FCN3: variants seen among roughly 807,000 people sequenced by gnomAD.
FCN3 encodes ficolin 3, also known as ficolin-3.
FCN3 carries 28 observed loss-of-function variants against 31.5 expected under a neutral mutation model. The observed-to-expected ratio is 0.89, with a 90% CI of 0.66 to 1.22. The LOEUF (loss-of-function observed/expected upper bound fraction) is 1.22, where lower values mean the gene tolerates loss of function less well. Ranked by LOEUF, FCN3 falls within the 50% of genes most tolerant of loss-of-function variation. The pLI, the probability that FCN3 is intolerant of heterozygous loss-of-function variation, is 0.00. For synonymous variants in FCN3, 124 were observed against 147.4 expected, an observed-to-expected ratio of 0.84 and a Z score of 1.15; for missense variants, 351 against 386.8, an observed-to-expected ratio of 0.91 and a Z score of 0.78.
At chr1:27,373,816 G>A (rs2016196776) in intron 3 of FCN3, 149 bp downstream of exon 3, 3 of 756,860 alleles carry the variant, frequency 4.0e-6, no homozygotes, top group Middle Eastern at 3.7e-4. Context: ...GGGTAGCCAG[G>A]CCCTTCTCCT....
At position 27,370,959 on chromosome 1, in the gene FCN3, C is replaced by A. The variant is rs757913198; in HGVS notation, c.407G>T (p.Arg136Leu). Residue 136 changes from arginine (R) to leucine (L), a missense_variant, in exon 6 of 8, where the codon CGC becomes CTC. Coordinates refer to ENST00000270879, the MANE Select transcript of FCN3 (RefSeq NM_003665.4). The stretch of plus-strand genomic sequence containing the variant: ...GAAGAAATCCACAGAACCATCCTGG[C>A]GCCTCTGAAACACCTGGGGGAGGGG... ...EGGGWLVFQR[R>L]QDGSVDFFRS... 6.2e-7 allele frequency: 1 copy of A among 1,612,370 alleles called. No individual in the cohort carries two copies. Among genetic ancestry groups the A allele is most frequent in the Non-Finnish European group, 8.5e-7 (1 of 1,179,660 alleles).
rs1479188148 is a variant in FCN3 at position 27,369,288 on chromosome 1, G to A, written c.848C>T (p.Ser283Leu). 9.3e-6 allele frequency: 15 copies of A among 1,614,122 alleles called. No individual in the cohort carries two copies. The highest frequency in any genetic ancestry group is 1.6e-4 in the Middle Eastern group (1 of 6,084). ...AAHKYGIDWA[S>L]GRGVGHPYRR... ...GTAGGGGTGGCCCACACCACGGCCT[G>A]AGGCCCAGTCAATGCCATATTTGTG... is the stretch of plus-strand genomic sequence containing the variant. The change falls in exon 8 of 8, where the codon TCA (serine) becomes TTA (leucine). Residue 283 changes from serine to leucine, a missense_variant. Coordinates refer to ENST00000270879, the MANE Select transcript of FCN3 (RefSeq NM_003665.4).
At chr1:27,373,459 G>C (rs1257366440) in intron 4 of FCN3, 29 bp downstream of exon 4, 1 of 1,613,738 alleles carries the variant, frequency 6.2e-7, no homozygotes, top group Admixed American at 1.7e-5. Context: ...GTGATCCCAA[G>C]TTCCTGGCTC....
intron 2 of FCN3, 72 bp downstream of exon 2, chr1:27,374,284 C>T: frequency 5.2e-6 from 6 of 1,154,282 alleles, no homozygotes; most frequent in Non-Finnish European, 7.8e-6. Context: ...GGCCCCTCAG[C>T]ACAGACAAAA....
rs2016099005 is a variant in FCN3 at position 27,369,405 on chromosome 1, T to C, written c.731A>G (p.Asn244Ser). ...YDADHDSSNS[N>S]CAVIVHGAWW... ...GGCACCGTGGACAATCACTGCACAG[T>C]TGCTGTTGCTTGAATCGTGGTCAGC... The change falls in exon 8 of 8, where the codon AAC (asparagine) becomes AGC (serine). Residue 244 changes from asparagine to serine, a missense_variant. Transcript: ENST00000270879. 2 of 1,614,206 alleles carry C rather than the reference T, an allele frequency of 1.2e-6. No individual in the cohort carries two copies. The highest frequency in any genetic ancestry group is 1.6e-4 in the Middle Eastern group (1 of 6,062).
rs753552705 is a variant in FCN3 at position 27,370,825 on chromosome 1, A to C, written c.523+18T>G. On this transcript the variant is annotated intron_variant, in intron 6 of 7. Transcript: ENST00000270879. ...CAGACAGTAACCCCCAGACTCCAGGACCCTGCTGGGAACTCACCCTGGAGA... is the reference window on the plus strand; with the variant it reads ...CAGACAGTAACCCCCAGACTCCAGGCCCCTGCTGGGAACTCACCCTGGAGA... 3 of 1,613,472 alleles carry C rather than the reference A, an allele frequency of 1.9e-6. No homozygotes were observed. The highest frequency in any genetic ancestry group is 1.7e-6 in the Non-Finnish European group (2 of 1,179,670).
intron 5 of FCN3, 41 bp from the exon 6 acceptor site, chr1:27,371,013 G>C: frequency 1.9e-6 from 3 of 1,599,572 alleles, no homozygotes; most frequent in Non-Finnish European, 2.6e-6. Flanking sequence ...TCCAGGCTGG[G>C]CACTGGCAGC....
intron 3 of FCN3, chr1:27,373,727 C>T: frequency 3.1e-6 from 2 of 651,504 alleles, no homozygotes; most frequent in East Asian, 2.7e-5. Context: ...GTAGGAGGGC[C>T]TTCATAGGGT....
intron 4 of FCN3, 32 bp from the exon 5 acceptor site, chr1:27,373,295 C>T: frequency 1.2e-6 from 2 of 1,613,414 alleles, no homozygotes; most frequent in Non-Finnish European, 1.7e-6. Flanking sequence ...GGGGTGGTGC[C>T]CAGGTTATTC....
At position 27,373,000 on chromosome 1, in the gene FCN3, T is replaced by C. The variant is rs34661034; in HGVS notation, c.393+136A>G. On this transcript the variant is annotated intron_variant, in intron 5 of 7. Transcript: ENST00000270879. ...AGCCCTCATACTTCTTCAGGTCCCA[T>C]TGGGGGCTCACTAAACATTTGTCAG... 5.0e-3 allele frequency: 5,549 copies of C among 1,101,084 alleles called. 20 individuals are homozygous for C. Among genetic ancestry groups the C allele is most frequent in the Middle Eastern group, 7.4e-3 (27 of 3,650 alleles). 68.2% of individuals were successfully genotyped at this position (1,101,084 alleles called of 1,614,324 possible).
chr1:27,369,914 C>A (rs1181108840), intron 7 of FCN3, among the ~76,000 whole-genome samples: 7 of 152,122 alleles, frequency 4.6e-5, no homozygotes, highest in Non-Finnish European at 7.4e-5. Context: ...AAGAAGACTT[C>A]CGTGGTTCCT....
intron 7 of FCN3, 22 bp downstream of exon 7, chr1:27,370,574 T>C (rs1472362301): frequency 1.2e-6 from 2 of 1,608,462 alleles, no homozygotes; most frequent in Non-Finnish European, 1.7e-6. Flanking sequence ...CTCCTTCCTC[T>C]GCTCCCCTTA....
intron 4 of FCN3, 46 bp downstream of exon 4, chr1:27,373,442 A>G: frequency 1.2e-6 from 2 of 1,611,874 alleles, no homozygotes; most frequent in Admixed American, 1.7e-5. Context: ...CCAACACCCA[A>G]CACCATGTGA....
chr1:27,372,540 G>A lies in FCN3; in HGVS notation c.393+596C>T, dbSNP rs181116349. On this transcript the variant is annotated intron_variant, in intron 5 of 7. Transcript: ENST00000270879. ...TGGGATTATAGGCGTGAGCCACCAC[G>A]TCCAGCCAACCACCGCGTCTGGGCG... 1.8e-4 allele frequency among the ~76,000 whole-genome samples: 27 copies of A among 152,216 alleles called. No homozygotes were observed. In the East Asian group the frequency reaches 4.4e-3, roughly 25 times the overall value.
chr1:27,373,691 C>T, intron 3 of FCN3, 171 bp from the exon 4 acceptor site: 1 of 716,004 alleles, frequency 1.4e-6, no homozygotes, highest in Non-Finnish European at 2.4e-6. Context: ...CTAATCCTCT[C>T]CACTCCTCCC....
At chr1:27,372,776 T>TC (rs1006268491) in intron 5 of FCN3, among the ~76,000 whole-genome samples, 2 of 145,744 alleles carry the variant, frequency 1.4e-5, no homozygotes, top group African/African-American at 5.0e-5. Context: ...CTACCCTATT[T>TC]TTTTTTTTTT....
intron 7 of FCN3, among the ~76,000 whole-genome samples, chr1:27,369,912 T>C (rs970539164): frequency 6.6e-6 from 1 of 152,122 alleles, no homozygotes; most frequent in Admixed American, 6.5e-5. Context: ...GAAAGAAGAC[T>C]TCCGTGGTTC....
chr1:27,371,075 T>C (rs768230459), intron 5 of FCN3, 103 bp from the exon 6 acceptor site: 25 of 1,134,756 alleles, frequency 2.2e-5, no homozygotes, highest in African/African-American at 3.1e-5. Flanking sequence ...TCTCTTTGGA[T>C]TGGGGCCTGT....
In FCN3 at chr1:27,374,687, A is replaced by T. The variant is rs911139338; in HGVS notation, c.91+41T>A. The stretch of plus-strand genomic sequence containing the variant: ...TGGTGGGGGGACACCCAGCGAGGGA[A>T]TGAGGAGTGGGTTGGTGAGGAGGGC... On this transcript the variant is annotated intron_variant, in intron 1 of 7. Transcript: ENST00000270879. 8.0e-6 allele frequency: 9 copies of T among 1,119,106 alleles called. No individual in the cohort carries two copies. The African/African-American group carries it at 1.4e-4, about 18-fold the overall frequency. The allele number at this position is 1,119,106 out of a possible 1,614,324, so 69.3% of individuals were successfully genotyped here. A position where few individuals can be genotyped will look rare whatever the true frequency, so the allele number is the denominator to read the frequency against.
Sources: gnomAD v4.1 joint callset for allele counts (sites outside exome capture counted in the v4.1 genomes callset) on GRCh38, gnomAD v4.1.1 for gene constraint, MANE v1.5 for transcripts, NCBI Gene and HGNC (gene_info 2026-07-23, HGNC 2026-07-21) for gene names.